Variants in BMAL2 observed in about 807,000 individuals in gnomAD.
BMAL2 encodes the protein basic helix-loop-helix ARNT-like protein 2.
At chr12:27,383,342 CATT>C in the BMAL2 span, among the ~76,000 whole-genome samples, 1 of 144,006 alleles carries the variant, frequency 6.9e-6, no homozygotes. Flanking sequence ...TTGTTACTGT[CATT>C]TTGATTTTTT....
chr12:27,388,845 T>TC, the BMAL2 span, among the ~76,000 whole-genome samples: 1 of 152,054 alleles, frequency 6.6e-6, no homozygotes, highest in African/African-American at 2.4e-5. Context: ...ATGTAATCTC[T>TC]TTTTTTTAAC....
At chr12:27,361,459 G>A in the BMAL2 span, among the ~76,000 whole-genome samples, 3 of 152,164 alleles carry the variant, frequency 2.0e-5, no homozygotes, top group African/African-American at 7.2e-5. Context: ...TTTATTGAGT[G>A]TTAAAGAACA....
the BMAL2 span, among the ~76,000 whole-genome samples, chr12:27,404,215 A>T: frequency 7.3e-6 from 1 of 137,682 alleles, no homozygotes; most frequent in African/African-American, 2.7e-5. Flanking sequence ...ACCACCATGC[A>T]TTTTTTTTTT....
the BMAL2 span, among the ~76,000 whole-genome samples, chr12:27,396,715 A>G: frequency 6.6e-6 from 1 of 152,212 alleles, no homozygotes. Context: ...GGAGTTTTGA[A>G]TCTGCTCAAG....
At chr12:27,425,129 T>G in the BMAL2 span, 1 of 152,340 alleles carries the variant, frequency 6.6e-6, no homozygotes, top group East Asian at 1.9e-4. Context: ...TTTAGATTTG[T>G]CTTTTATACA....
chr12:27,364,551 C>T, the BMAL2 span, among the ~76,000 whole-genome samples: 1 of 152,124 alleles, frequency 6.6e-6, no homozygotes, highest in Non-Finnish European at 1.5e-5. Flanking sequence ...CAGTACTACA[C>T]TGTCTTAATT....
At chr12:27,361,586 T>C in the BMAL2 span, among the ~76,000 whole-genome samples, 1 of 152,176 alleles carries the variant, frequency 6.6e-6, no homozygotes, top group Non-Finnish European at 1.5e-5. Flanking sequence ...CTTCAATTCC[T>C]AACACATGGT....
At chr12:27,385,197 C>G in the BMAL2 span, among the ~76,000 whole-genome samples, 1 of 152,022 alleles carries the variant, frequency 6.6e-6, no homozygotes, top group Non-Finnish European at 1.5e-5. Context: ...GCCTATAATC[C>G]CAGCTATTCA....
chr12:27,351,236 C>T, the BMAL2 span, among the ~76,000 whole-genome samples: 1 of 152,138 alleles, frequency 6.6e-6, no homozygotes, highest in Non-Finnish European at 1.5e-5. Flanking sequence ...AATCCTCCTG[C>T]CCTGGCCTCC....
chr12:27,424,124 A>C, the BMAL2 span: 1 of 152,222 alleles, frequency 6.6e-6, no homozygotes, highest in South Asian at 2.1e-4. Context: ...ATGTGGCTAG[A>C]AGAAAATAAA....
the BMAL2 span, among the ~76,000 whole-genome samples, chr12:27,411,836 T>C: frequency 1.3e-5 from 2 of 152,206 alleles, no homozygotes; most frequent in African/African-American, 4.8e-5. Flanking sequence ...TGTACAAAAG[T>C]TTTTAATTTT....
chr12:27,401,192 C>T, the BMAL2 span: 1 of 1,227,858 alleles, frequency 8.1e-7, no homozygotes, highest in Non-Finnish European at 1.2e-6. Flanking sequence ...CATATGTGGG[C>T]CTACAGTCTT....
chr12:27,370,192 T>C, the BMAL2 span: 1 of 1,614,028 alleles, frequency 6.2e-7, no homozygotes, highest in Non-Finnish European at 8.5e-7. Flanking sequence ...CCTATCTTCT[T>C]TCAACAAGGA....
At chr12:27,387,114 C>A in the BMAL2 span, 2 of 706,324 alleles carry the variant, frequency 2.8e-6, no homozygotes, top group Non-Finnish European at 2.5e-6. Context: ...CATGACTACT[C>A]TGTTAGTTTT....
the BMAL2 span, among the ~76,000 whole-genome samples, chr12:27,396,684 A>G: frequency 6.6e-6 from 1 of 152,214 alleles, no homozygotes; most frequent in African/African-American, 2.4e-5. Context: ...TTGCACTCAG[A>G]GGCAAATATC....
chr12:27,365,898 A>G, the BMAL2 span, among the ~76,000 whole-genome samples: 35 of 151,252 alleles, frequency 2.3e-4, no homozygotes, highest in African/African-American at 5.8e-4. Context: ...GATTTATTTT[A>G]CTGATCTTTT....
the BMAL2 span, among the ~76,000 whole-genome samples, chr12:27,369,912 G>C: frequency 6.6e-6 from 1 of 152,140 alleles, no homozygotes; most frequent in Non-Finnish European, 1.5e-5. Flanking sequence ...TTTTAGAAAA[G>C]GAAGAAGCTA....
the BMAL2 span, among the ~76,000 whole-genome samples, chr12:27,334,811 G>A: frequency 2.0e-5 from 3 of 152,256 alleles, no homozygotes; most frequent in Non-Finnish European, 4.4e-5. Flanking sequence ...TACCTAAGAT[G>A]TCACAGACAT....
the BMAL2 span, among the ~76,000 whole-genome samples, chr12:27,408,635 T>A: frequency 1.3e-5 from 2 of 152,174 alleles, no homozygotes; most frequent in African/African-American, 4.8e-5. Flanking sequence ...ATAGCCAATA[T>A]CATACTGAAT....
Sources: gnomAD v4.1 joint callset for allele counts (sites outside exome capture counted in the v4.1 genomes callset) on GRCh38, gnomAD v4.1.1 for gene constraint, MANE v1.5 for transcripts, NCBI Gene and HGNC (gene_info 2026-07-23, HGNC 2026-07-21) for gene names.